Variants in SYT1 observed in about 807,000 individuals in gnomAD.
The protein encoded by SYT1 is synaptotagmin-1.
A neutral mutation model predicts 44.8 loss-of-function variants in SYT1; 8 were observed. The ratio of observed to expected loss-of-function variants is 0.18; its 90% confidence interval spans 0.10 to 0.32. SYT1 has a LOEUF of 0.32. Ranked by LOEUF, SYT1 falls within the 10% of genes least tolerant of loss-of-function variation. The pLI is 1.00. For missense variants in SYT1, 286 were observed against 509.3 expected, an observed-to-expected ratio of 0.56 and a Z score of 4.22; for synonymous variants, 154 against 188.8, an observed-to-expected ratio of 0.82 and a Z score of 1.51.
intron 2 of SYT1, among the ~76,000 whole-genome samples, chr12:79,033,217 G>T (rs1283358258): frequency 1.3e-5 from 2 of 151,072 alleles, no homozygotes; most frequent in Non-Finnish European, 1.5e-5. Flanking sequence ...TCATTTCATG[G>T]GTGAAATGAG....
intron 1 of SYT1, among the ~76,000 whole-genome samples, chr12:78,907,126 T>C (rs1164029814): frequency 1.1e-4 from 16 of 152,048 alleles, no homozygotes; most frequent in Admixed American, 1.1e-3. Context: ...CATTACCTTA[T>C]AAAATCACCT....
intron 4 of SYT1, among the ~76,000 whole-genome samples, chr12:79,256,452 T>C (rs1370214015): frequency 6.6e-6 from 1 of 152,200 alleles, no homozygotes; most frequent in African/African-American, 2.4e-5. Context: ...TAGAAGGGCA[T>C]TTAAATTATC....
intron 3 of SYT1, among the ~76,000 whole-genome samples, chr12:79,134,104 T>C (rs1052754131): frequency 2.2e-4 from 33 of 152,212 alleles, no homozygotes; most frequent in African/African-American, 8.0e-4. Context: ...ACACTGTTTT[T>C]CTTGTTACTG....
At chr12:79,122,379 T>G (rs1868285228) in intron 3 of SYT1, among the ~76,000 whole-genome samples, 1 of 149,430 alleles carries the variant, frequency 6.7e-6, no homozygotes, top group Non-Finnish European at 1.5e-5. Context: ...CCGGGCGTGG[T>G]AGCGGGCGCC....
intron 3 of SYT1, among the ~76,000 whole-genome samples, chr12:79,110,236 G>A (rs978794888): frequency 6.6e-6 from 1 of 151,812 alleles, no homozygotes. Context: ...AGAGATGTAG[G>A]AAAATTTTTA....
chr12:79,081,861 C>G (rs575567788), intron 3 of SYT1, among the ~76,000 whole-genome samples: 38 of 152,276 alleles, frequency 2.5e-4, no homozygotes, highest in African/African-American at 8.9e-4. Flanking sequence ...CCAGGAGCTT[C>G]TAAGAGCACA....
chr12:79,064,615 T>C (rs1417985005), intron 3 of SYT1, among the ~76,000 whole-genome samples: 1 of 152,130 alleles, frequency 6.6e-6, no homozygotes, highest in Non-Finnish European at 1.5e-5. Context: ...ATATGTGAAA[T>C]GAGAAGACTA....
chr12:79,446,339 G>A (rs150190643), intron 10 of SYT1, among the ~76,000 whole-genome samples: 420 of 151,894 alleles, frequency 2.8e-3, no homozygotes, highest in African/African-American at 9.7e-3. Flanking sequence ...TTAGAAAATA[G>A]ATCTAACAAT....
At chr12:79,237,910 A>G (rs1306526561) in intron 4 of SYT1, among the ~76,000 whole-genome samples, 5 of 152,234 alleles carry the variant, frequency 3.3e-5, no homozygotes. Context: ...ACAGGGTTTA[A>G]TAAAGTACAT....
At chr12:79,236,632 A>G (rs907969026) in intron 4 of SYT1, among the ~76,000 whole-genome samples, 1 of 152,220 alleles carries the variant, frequency 6.6e-6, no homozygotes, top group African/African-American at 2.4e-5. Context: ...GATTTTTAAG[A>G]AAACTGTAGA....
intron 3 of SYT1, among the ~76,000 whole-genome samples, chr12:79,152,049 T>A (rs1248182205): frequency 1.3e-5 from 2 of 152,096 alleles, no homozygotes; most frequent in East Asian, 3.9e-4. Context: ...TAGAGAATGA[T>A]GTCACAGGAG....
intron 9 of SYT1, among the ~76,000 whole-genome samples, chr12:79,440,223 A>AAG (rs201706266): frequency 3.6e-3 from 544 of 152,244 alleles, no homozygotes; most frequent in African/African-American, 0.012. Flanking sequence ...ATCTCAAAAA[A>AAG]AGAGAGAGAG....
At chr12:79,226,010 TA>T (rs1875496325) in intron 4 of SYT1, among the ~76,000 whole-genome samples, 3 of 152,200 alleles carry the variant, frequency 2.0e-5, no homozygotes, top group Non-Finnish European at 4.4e-5. Context: ...CTGAAGGCAA[TA>T]TGTTGGGTCT....
chr12:79,431,245 T>C (rs927192922), intron 9 of SYT1, among the ~76,000 whole-genome samples: 3 of 152,226 alleles, frequency 2.0e-5, no homozygotes, highest in Admixed American at 6.5e-5. Context: ...CCAAATTTTC[T>C]ATATAAGAAA....
At chr12:79,323,875 A>G (rs2138987956) in intron 8 of SYT1, among the ~76,000 whole-genome samples, 1 of 150,962 alleles carries the variant, frequency 6.6e-6, no homozygotes, top group East Asian at 1.9e-4. Flanking sequence ...ATGTATAAAA[A>G]TAATTTGGGA....
intron 3 of SYT1, among the ~76,000 whole-genome samples, chr12:79,166,027 C>T (rs925119757): frequency 6.6e-6 from 1 of 151,862 alleles, no homozygotes; most frequent in African/African-American, 2.4e-5. Flanking sequence ...AAAGGCAAAC[C>T]AAAGACAATA....
intron 4 of SYT1, among the ~76,000 whole-genome samples, chr12:79,224,825 G>A (rs1303767955): frequency 6.7e-6 from 1 of 150,144 alleles, no homozygotes; most frequent in African/African-American, 2.4e-5. Flanking sequence ...TGTTACCCAG[G>A]CTGGAATGCA....
chr12:79,060,398 T>C (rs1482240216), intron 3 of SYT1, among the ~76,000 whole-genome samples: 1 of 152,012 alleles, frequency 6.6e-6, no homozygotes, highest in Non-Finnish European at 1.5e-5. Context: ...CACTGTTGTT[T>C]GATCATCAGC....
chr12:78,981,529 C>T (rs1017565448), intron 2 of SYT1, among the ~76,000 whole-genome samples: 1 of 152,146 alleles, frequency 6.6e-6, no homozygotes, highest in Non-Finnish European at 1.5e-5. Context: ...AGCATGCATG[C>T]TAACTCAGTG....
Sources: allele counts gnomAD v4.1 joint callset (sites outside exome capture counted in the v4.1 genomes callset), GRCh38; gene constraint gnomAD v4.1.1; transcripts MANE v1.5; gene names NCBI Gene and HGNC (gene_info 2026-07-23, HGNC 2026-07-21).